The following GFOD2 variants were observed in gnomAD, a reference collection of about 807,000 sequenced individuals.
The protein encoded by GFOD2 is glucose-fructose oxidoreductase domain-containing protein 2.
GFOD2 carries 9 observed loss-of-function variants against 24.6 expected under a neutral mutation model. The ratio of observed to expected loss-of-function variants is 0.37; its 90% CI spans 0.22 to 0.64. The LOEUF (loss-of-function observed/expected upper bound fraction) is 0.64, where lower values mean the gene tolerates loss of function less well. GFOD2 is among the 30% of genes least tolerant of loss of function. GFOD2 has a pLI of 0.65. For synonymous variants in GFOD2, 211 were observed against 224.8 expected (o/e 0.94, Z 0.55); for missense variants, 476 against 532.5 (o/e 0.89, Z 1.04).
intron 1 of GFOD2, among the ~76,000 whole-genome samples, chr16:67,714,069 G>A (rs2053492750): frequency 6.6e-6 from 1 of 152,056 alleles, no homozygotes; most frequent in African/African-American, 2.4e-5. Context: ...AGAGACAGAA[G>A]ACCAAATATG....
At chr16:67,719,073 C>T (rs975882937) in intron 1 of GFOD2, 90 bp downstream of exon 1, 1 of 152,316 alleles carries the variant, frequency 6.6e-6, no homozygotes, top group African/African-American at 2.4e-5. Flanking sequence ...ACCTCCGGCG[C>T]CGGGCCGCGG....
Position 67,685,651 on chromosome 16 carries a change from A to G in GFOD2, c.65T>C (p.Leu22Pro). The G allele has an allele frequency of 6.2e-7, 1 of 1,614,120 alleles. No individual in the cohort carries two copies. The highest frequency in any genetic ancestry group is 1.1e-5 in the South Asian group (1 of 91,078). The change falls in exon 2 of 3, where the codon CTG becomes CCG. Residue 22 changes from leucine (L) to proline (P), a missense_variant. Physicochemically the swap from Leu to Pro is moderately conservative, Grantham distance 98 (BLOSUM62 -3). Transcript: ENST00000268797. ...AACAGTGAACCCTTCTGCCCTCAGC[A>G]GTGGGACCAGAACTCGGGCGGAGCT... ...TGSSARVLVP[L>P]LRAEGFTVEA...
chr16:67,691,328 C>T (rs558583448), intron 1 of GFOD2, among the ~76,000 whole-genome samples: 1 of 152,158 alleles, frequency 6.6e-6, no homozygotes, highest in Non-Finnish European at 1.5e-5. Context: ...CCACCTCAGC[C>T]TCCTGAGTAG....
chr16:67,683,272 G>A, intron 2 of GFOD2: 1 of 1,159,044 alleles, frequency 8.6e-7, no homozygotes, highest in Non-Finnish European at 1.1e-6. Context: ...AGAACCCTGG[G>A]GTTTCCTCTT....
chr16:67,705,951 A>AT (rs1375911788), intron 1 of GFOD2, among the ~76,000 whole-genome samples: 1 of 150,518 alleles, frequency 6.6e-6, no homozygotes, highest in African/African-American at 2.4e-5. Flanking sequence ...AAAAAAAAAA[A>AT]AGTGCCTGTT....
rs542016152 is a variant in GFOD2, at chr16:67,674,888, G to A, written c.*267C>T. On this transcript the variant is annotated 3_prime_UTR_variant, in exon 3 of 3. Coordinates refer to ENST00000268797, the MANE Select transcript of GFOD2 (RefSeq NM_030819.4). ...CCCCAGGGTGAGCCTTTCCTGGTCC[G>A]ACTCACTGGCATCACCATGAGGAGG... 5.4e-5 allele frequency: 25 copies of A among 459,526 alleles called. No individual in the cohort carries two copies. The highest frequency in any genetic ancestry group is 1.1e-4 in the East Asian group (3 of 27,948). 28.5% of individuals were successfully genotyped at this position (459,526 alleles called of 1,614,324 possible).
intron 1 of GFOD2, among the ~76,000 whole-genome samples, chr16:67,686,780 G>A (rs939404994): frequency 6.6e-6 from 1 of 151,388 alleles, no homozygotes; most frequent in African/African-American, 2.4e-5. Flanking sequence ...AGATTGCAGT[G>A]AGCCAAGATC....
At chr16:67,688,940 C>T (rs546881301) in intron 1 of GFOD2, among the ~76,000 whole-genome samples, 1 of 151,696 alleles carries the variant, frequency 6.6e-6, no homozygotes, top group East Asian at 2.0e-4. Context: ...GGGGTTTCAC[C>T]GTGTTAGCCA....
chr16:67,700,222 A>C (rs1287627856), intron 1 of GFOD2, among the ~76,000 whole-genome samples: 2 of 151,978 alleles, frequency 1.3e-5, no homozygotes, highest in African/African-American at 4.8e-5. Context: ...AAAATACAAA[A>C]AAATTAGCCG....
chr16:67,707,982 G>A (rs573460665), intron 1 of GFOD2, among the ~76,000 whole-genome samples: 2 of 152,138 alleles, frequency 1.3e-5, no homozygotes, highest in African/African-American at 2.4e-5. Flanking sequence ...GTCAGAAGGC[G>A]GCAGTGGCGG....
chr16:67,686,675 C>CAA (rs58311667), intron 1 of GFOD2, among the ~76,000 whole-genome samples: 2 of 143,560 alleles, frequency 1.4e-5, no homozygotes, highest in Non-Finnish European at 1.5e-5. Context: ...GCTAAAAATA[C>CAA]AAAAAAAAAA....
At chr16:67,680,745 T>C in intron 2 of GFOD2, 1 of 969,496 alleles carries the variant, frequency 1.0e-6, no homozygotes, top group Non-Finnish European at 1.2e-6. Context: ...CTCTTCAATT[T>C]ATTTATTTAT....
At position 67,694,412 on chromosome 16, in the gene GFOD2, T is replaced by G. The variant is rs561510963; in HGVS notation, c.-87-8610A>C. Among the ~76,000 whole-genome samples the G allele has an allele frequency of 2.0e-5, 3 of 152,256 alleles. No homozygotes were observed. The South Asian group carries it at 6.2e-4, about 32-fold the overall frequency. On this transcript the variant is annotated intron_variant, in intron 1 of 2. Coordinates refer to ENST00000268797, the MANE Select transcript of GFOD2 (RefSeq NM_030819.4). ...CTCTCAGCTCAGCCTCCCAAGGTGG[T>G]GGGATTATAAGCGTGACCCACTGAG...
chr16:67,675,395 G>A lies in GFOD2; in HGVS notation c.918C>T (p.Gly306=). 7 of 1,613,374 alleles carry A rather than the reference G, an allele frequency of 4.3e-6. No individual in the cohort carries two copies. Among genetic ancestry groups the A allele is most frequent in the Non-Finnish European group, 5.1e-6 (6 of 1,179,974 alleles). ...PQDVPLLYLK[G]MVYMVQALRQ... ...GCAAGGCCTGCACCATGTAGACCATGCCCTTCAGGTACAGCAGCGGGACAT... is the reference window on the plus strand; with the variant it reads ...GCAAGGCCTGCACCATGTAGACCATACCCTTCAGGTACAGCAGCGGGACAT... Residue 306 remains glycine, a synonymous_variant, in exon 3 of 3, where the codon GGC becomes GGT. Coordinates refer to ENST00000268797, the MANE Select transcript of GFOD2 (RefSeq NM_030819.4).
At chr16:67,696,768 C>A (rs746264365) in intron 1 of GFOD2, among the ~76,000 whole-genome samples, 1 of 152,162 alleles carries the variant, frequency 6.6e-6, no homozygotes, top group Admixed American at 6.6e-5. Flanking sequence ...CCACTGCGCC[C>A]GGCCGAAAAA....
In GFOD2 at chr16:67,713,152, G is replaced by A. The variant is rs186624982; in HGVS notation, c.-88+6011C>T. Among the ~76,000 whole-genome samples the A allele has an allele frequency of 7.6e-3, 1,155 of 151,478 alleles. 5 individuals carry two copies. Among genetic ancestry groups the A allele is most frequent in the Non-Finnish European group, 0.013 (875 of 67,990 alleles). On this transcript the variant is annotated intron_variant, in intron 1 of 2. Coordinates refer to ENST00000268797, the MANE Select transcript of GFOD2 (RefSeq NM_030819.4). ...GCCCACCTCGGCCTCCGAAAGTACTGGGATTACAGGCGTGAGCCGCCACAC... is the reference window on the plus strand; with the variant it reads ...GCCCACCTCGGCCTCCGAAAGTACTAGGATTACAGGCGTGAGCCGCCACAC...
At chr16:67,699,117 C>T (rs9938929) in intron 1 of GFOD2, among the ~76,000 whole-genome samples, 2 of 151,900 alleles carry the variant, frequency 1.3e-5, no homozygotes, top group South Asian at 2.1e-4. Context: ...CCAAGGCGGG[C>T]GGATCATGAG....
chr16:67,703,204 G>C (rs1032251769), intron 1 of GFOD2, among the ~76,000 whole-genome samples: 1 of 152,112 alleles, frequency 6.6e-6, no homozygotes, highest in Non-Finnish European at 1.5e-5. Context: ...GGGAGTTCCA[G>C]ACCAGCCTGA....
chr16:67,699,609 G>A (rs534979141), intron 1 of GFOD2, among the ~76,000 whole-genome samples: 97 of 151,918 alleles, frequency 6.4e-4, no homozygotes, highest in Non-Finnish European at 8.2e-4. Flanking sequence ...TCAGCCACCC[G>A]AGCAGCTGGG....
Sources: allele counts gnomAD v4.1 joint callset (sites outside exome capture counted in the v4.1 genomes callset), GRCh38; gene constraint gnomAD v4.1.1; transcripts MANE v1.5; gene names NCBI Gene and HGNC (gene_info 2026-07-23, HGNC 2026-07-21).